Variants in CCNY observed in about 807,000 individuals in gnomAD.
CCNY encodes the protein cyclin-Y.
A neutral mutation model predicts 42.8 loss-of-function variants in CCNY; 19 were observed. The ratio of observed to expected loss-of-function variants is 0.44; its 90% confidence interval spans 0.31 to 0.65. The LOEUF is 0.65. Ranked by LOEUF, CCNY falls within the 30% of genes least tolerant of loss-of-function variation. The probability of loss-of-function intolerance (pLI) is 0.07; values close to 1 mark genes in which losing one functional copy is unlikely to be tolerated. For missense variants in CCNY, 370 were observed against 437.3 expected (o/e 0.85, Z 1.37); for synonymous variants, 165 against 162.7 (o/e 1.01, Z -0.11).
intron 1 of CCNY, among the ~76,000 whole-genome samples, chr10:35,381,593 A>T (rs1249876930): frequency 6.6e-6 from 1 of 151,616 alleles, no homozygotes; most frequent in African/African-American, 2.4e-5. Flanking sequence ...GAAATACTGT[A>T]TGCAACATGG....
Position 35,303,725 on chromosome 10 carries a change from C to T in CCNY, c.-9+53099C>T, listed in dbSNP as rs528196624. On this transcript the variant is annotated intron_variant, in intron 3 of 11. Transcript: ENST00000374706. ...CTGGGAGGCGGAGGTTGCGGTGAGC[C>T]GAGATCGTACCATTGCACTCCAGCC... is the stretch of plus-strand genomic sequence containing the variant. Among the ~76,000 whole-genome samples the T allele has an allele frequency of 1.1e-4, 15 of 135,486 alleles. No individual in the cohort carries two copies. In the South Asian group the frequency reaches 2.9e-3, roughly 26 times the overall value. 88.9% of individuals were successfully genotyped at this position (135,486 alleles called of 152,430 possible).
chr10:35,283,580 T>A (rs1835321376), intron 3 of CCNY, among the ~76,000 whole-genome samples: 2 of 152,080 alleles, frequency 1.3e-5, no homozygotes, highest in Admixed American at 1.3e-4. Flanking sequence ...ATTTTTTGTA[T>A]TTTTAGTAGA....
chr10:35,417,912 A>G, intron 1 of CCNY, among the ~76,000 whole-genome samples: 1 of 152,108 alleles, frequency 6.6e-6, no homozygotes, highest in Admixed American at 6.5e-5. Context: ...TTTTTTCATC[A>G]GCTGTTTCCA....
intron 3 of CCNY, among the ~76,000 whole-genome samples, chr10:35,292,414 A>T (rs1835423488): frequency 6.6e-6 from 1 of 152,164 alleles, no homozygotes; most frequent in Admixed American, 6.5e-5. Flanking sequence ...CCCAGGCTGG[A>T]GTGCAGTGGC....
At chr10:35,311,125 C>A (rs1440391919) in intron 3 of CCNY, among the ~76,000 whole-genome samples, 1 of 152,024 alleles carries the variant, frequency 6.6e-6, no homozygotes, top group Non-Finnish European at 1.5e-5. Flanking sequence ...CCAGGCTGGT[C>A]AACATAGCCA....
At chr10:35,314,942 G>A (rs1046341909) in intron 3 of CCNY, 8 of 152,146 alleles carry the variant, frequency 5.3e-5, no homozygotes, top group African/African-American at 1.2e-4. Flanking sequence ...ATTAGCCGGC[G>A]TGGTGGCACA....
At chr10:35,274,989 C>G (rs1413260394) in intron 3 of CCNY, among the ~76,000 whole-genome samples, 1 of 150,654 alleles carries the variant, frequency 6.6e-6, no homozygotes, top group African/African-American at 2.4e-5. Flanking sequence ...GACCACTAGC[C>G]ATTCATTCTT....
At chr10:35,424,243 T>C (rs755976225) in intron 1 of CCNY, among the ~76,000 whole-genome samples, 1 of 150,622 alleles carries the variant, frequency 6.6e-6, no homozygotes, top group Non-Finnish European at 1.5e-5. Flanking sequence ...CTTTTCTTTT[T>C]GAGACGGAGT....
chr10:35,294,523 T>G (rs1218686840), intron 3 of CCNY, among the ~76,000 whole-genome samples: 2 of 152,228 alleles, frequency 1.3e-5, no homozygotes, highest in African/African-American at 4.8e-5. Context: ...TAATCTTGTG[T>G]TTTTTTGTCC....
intron 3 of CCNY, among the ~76,000 whole-genome samples, chr10:35,264,143 G>A (rs1478760450): frequency 6.6e-6 from 1 of 152,172 alleles, no homozygotes; most frequent in Non-Finnish European, 1.5e-5. Context: ...GTGAACATAT[G>A]TGTGGCACGT....
At chr10:35,550,608 G>A (rs182410229) in intron 7 of CCNY, among the ~76,000 whole-genome samples, 5 of 152,102 alleles carry the variant, frequency 3.3e-5, no homozygotes, top group East Asian at 1.9e-4. Flanking sequence ...GTCCTTGCTC[G>A]TCCAATTTAA....
rs535453019 is a variant in CCNY, at chr10:35,271,864, T to C, written c.-9+21238T>C. Among the ~76,000 whole-genome samples, 5 of 152,308 alleles carry C rather than the reference T, an allele frequency of 3.3e-5. No individual in the cohort carries two copies. In the East Asian group the frequency reaches 9.6e-4, roughly 29 times the overall value. ...TCCTTTCTTTCTGTTGTACTTGAGG[T>C]ACAATGCTGGCCCCAGTGAAAATAC... On this transcript the variant is annotated intron_variant, in intron 3 of 11. Coordinates refer to the CCNY transcript ENST00000374706.
intron 9 of CCNY, among the ~76,000 whole-genome samples, chr10:35,567,900 G>GA (rs1233546865): frequency 6.6e-6 from 1 of 152,106 alleles, no homozygotes; most frequent in African/African-American, 2.4e-5. Context: ...AGGAAAAATG[G>GA]AAAACCCTCC....
intron 1 of CCNY, among the ~76,000 whole-genome samples, chr10:35,342,409 A>G (rs1394288138): frequency 6.6e-6 from 1 of 152,288 alleles, no homozygotes; most frequent in Non-Finnish European, 1.5e-5. Context: ...CAAGCATGTG[A>G]CTTCATATTA....
intron 3 of CCNY, among the ~76,000 whole-genome samples, chr10:35,319,017 C>G (rs1169435497): frequency 1.3e-5 from 2 of 152,124 alleles, no homozygotes; most frequent in Non-Finnish European, 2.9e-5. Flanking sequence ...GGCCGGAGTG[C>G]AGTGGCGGGA....
intron 1 of CCNY, among the ~76,000 whole-genome samples, chr10:35,365,788 G>A (rs1836795687): frequency 6.6e-6 from 1 of 152,222 alleles, no homozygotes; most frequent in Admixed American, 6.5e-5. Flanking sequence ...GCTGGGTAAA[G>A]GGTATATGGG....
At position 35,340,336 on chromosome 10, in the gene CCNY, T is replaced by TG. The variant is rs1270552485; in HGVS notation, c.154+3129_154+3130insG. ...AACTTCTTCTGTCTGCAGCAGTTAT[T>TG]CAGTCCAGACTTCCAGGATTAGATT... On this transcript the variant is annotated intron_variant, in intron 1 of 9. Coordinates refer to ENST00000374704, the MANE Select transcript of CCNY (RefSeq NM_145012.6). Among the ~76,000 whole-genome samples, 4 of 152,272 alleles carry TG rather than the reference T, an allele frequency of 2.6e-5. No homozygotes were observed. The East Asian group carries it at 7.7e-4, about 29-fold the overall frequency.
chr10:35,515,905 G>T (rs1425311130), intron 3 of CCNY, among the ~76,000 whole-genome samples: 1 of 152,138 alleles, frequency 6.6e-6, no homozygotes, highest in Non-Finnish European at 1.5e-5. Context: ...ACCACACAAA[G>T]AACTATCTAA....
chr10:35,458,051 G>C (rs1564418709), intron 1 of CCNY, among the ~76,000 whole-genome samples: 1 of 152,178 alleles, frequency 6.6e-6, no homozygotes, highest in Non-Finnish European at 1.5e-5. Context: ...TTATGTACGT[G>C]TTCTTTGTTT....
Sources: gnomAD v4.1 joint callset for allele counts (sites outside exome capture counted in the v4.1 genomes callset) on GRCh38, gnomAD v4.1.1 for gene constraint, MANE v1.5 for transcripts, NCBI Gene and HGNC (gene_info 2026-07-23, HGNC 2026-07-21) for gene names.